CATSPERE: variants seen among roughly 807,000 people sequenced by gnomAD.
The protein encoded by CATSPERE is cation channel sperm-associated auxiliary subunit epsilon.
CATSPERE carries 93 observed loss-of-function variants against 114.1 expected under a neutral mutation model. The ratio of observed to expected loss-of-function variants is 0.81; its 90% confidence interval spans 0.69 to 0.97. CATSPERE has a LOEUF of 0.97. Ranked by LOEUF, CATSPERE falls within the 50% of genes least tolerant of loss-of-function variation. The pLI, the probability that CATSPERE is intolerant of heterozygous loss-of-function variation, is 0.00. For missense variants in CATSPERE, 1,058 were observed against 1,131.6 expected (o/e 0.93, Z 0.93); for synonymous variants, 341 against 384.1 (o/e 0.89, Z 1.31).
Position 244,607,151 on chromosome 1 carries a change from T to C in CATSPERE, c.2403+1357T>C, listed in dbSNP as rs137857111. Among the ~76,000 whole-genome samples, 377 of 152,280 alleles carry C rather than the reference T, an allele frequency of 2.5e-3. 5 individuals carry two copies. Among genetic ancestry groups the C allele is most frequent in the East Asian group, 0.014 (71 of 5,184 alleles). On this transcript the variant is annotated intron_variant, in intron 18 of 21. Transcript: ENST00000366534. This position sits in a 1 kb window ranked among gnomAD's most constrained non-coding sequence, Gnocchi z 4.4. ...AAAAGTTCCTCAGAGGACAACCCTT[T>C]CCCTACAGTTCTATCGAACCAAGAG...
chr1:244,458,905 T>C (rs1457742462), upstream of CATSPERE, among the ~76,000 whole-genome samples: 1 of 152,024 alleles, frequency 6.6e-6, no homozygotes, highest in Non-Finnish European at 1.5e-5. Flanking sequence ...TTAAAGCCCA[T>C]TGGGGAATCT....
chr1:244,494,483 A>G (rs1289434781), intron 6 of CATSPERE, among the ~76,000 whole-genome samples: 3 of 148,772 alleles, frequency 2.0e-5, no homozygotes, highest in Non-Finnish European at 4.5e-5. Flanking sequence ...GGATAGCATT[A>G]GGAGATATAC....
At position 244,573,546 on chromosome 1, in the gene CATSPERE, G is replaced by T. The variant is rs926924725; in HGVS notation, c.1950+774G>T. Among the ~76,000 whole-genome samples, 2 of 152,158 alleles carry T rather than the reference G, an allele frequency of 1.3e-5. No homozygotes were observed. The highest frequency in any genetic ancestry group is 2.9e-5 in the Non-Finnish European group (2 of 68,018). ...ATGTGATGTGGGCATCTGCTAATTC[G>T]TCTGCAACTACATGACCTAAGATGG... On this transcript the variant is annotated intron_variant, in intron 11 of 21. Coordinates refer to ENST00000366534, the MANE Select transcript of CATSPERE (RefSeq NM_001130957.2). The surrounding 1 kb of genome is among the most constrained non-coding windows in gnomAD (Gnocchi z 4.0).
intron 9 of CATSPERE, among the ~76,000 whole-genome samples, chr1:244,553,632 C>CATATATACAT (rs1558485097): frequency 6.8e-6 from 1 of 146,118 alleles, no homozygotes; most frequent in Non-Finnish European, 1.5e-5. Context: ...CACACACACA[C>CATATATACAT]ACACACACAC....
chr1:244,568,177 A>G lies in CATSPERE; in HGVS notation c.1508-4153A>G, dbSNP rs1049359295. Among the ~76,000 whole-genome samples the G allele has an allele frequency of 1.3e-5, 2 of 152,220 alleles. No individual in the cohort carries two copies. Among genetic ancestry groups the G allele is most frequent in the African/African-American group, 4.8e-5 (2 of 41,458 alleles). ...CCTGGGTATCACCAGCAGAGACTGCAGAACAGCAAAGATTGCTGCCTGTTC... is the reference window on the plus strand; with the variant it reads ...CCTGGGTATCACCAGCAGAGACTGCGGAACAGCAAAGATTGCTGCCTGTTC... On this transcript the variant is annotated intron_variant, in intron 10 of 21. Coordinates refer to ENST00000366534, the MANE Select transcript of CATSPERE (RefSeq NM_001130957.2). The surrounding 1 kb of genome is among the most constrained non-coding windows in gnomAD (Gnocchi z 4.4).
chr1:244,630,619 G>T (rs1011071773), intron 20 of CATSPERE, among the ~76,000 whole-genome samples: 6 of 152,218 alleles, frequency 3.9e-5, no homozygotes, highest in Non-Finnish European at 7.3e-5. Context: ...TCTAGGTGTT[G>T]CAGGTTCCCT....
intron 21 of CATSPERE, among the ~76,000 whole-genome samples, chr1:244,636,058 G>C (rs1674593852): frequency 6.6e-6 from 1 of 152,192 alleles, no homozygotes; most frequent in South Asian, 2.1e-4. Context: ...AGAATGCAGT[G>C]GTAGGGATTG....
chr1:244,536,525 C>T (rs145610229), intron 8 of CATSPERE, among the ~76,000 whole-genome samples: 40 of 152,286 alleles, frequency 2.6e-4, no homozygotes, highest in South Asian at 6.2e-4. Flanking sequence ...TGTTGCTTTC[C>T]GCTGTGACAG....
At chr1:244,474,910 A>AT (rs1669065727) in intron 2 of CATSPERE, among the ~76,000 whole-genome samples, 1 of 151,424 alleles carries the variant, frequency 6.6e-6, no homozygotes, top group Non-Finnish European at 1.5e-5. Flanking sequence ...CACCCAGCTA[A>AT]TTTTTTAATT....
chr1:244,500,189 G>T (rs1008721973), intron 7 of CATSPERE, among the ~76,000 whole-genome samples: 7 of 152,124 alleles, frequency 4.6e-5, no homozygotes, highest in African/African-American at 1.7e-4. Context: ...CTTTCTGATG[G>T]AGTTGTTTTT....
At chr1:244,610,169 C>T in intron 18 of CATSPERE, 71 bp from the exon 19 acceptor site, 1 of 990,998 alleles carries the variant, frequency 1.0e-6, no homozygotes, top group African/African-American at 1.6e-5. Flanking sequence ...AGCAACAAAA[C>T]ATTAAATACT....
intron 7 of CATSPERE, among the ~76,000 whole-genome samples, chr1:244,508,096 C>G (rs1201221615): frequency 6.6e-6 from 1 of 151,892 alleles, no homozygotes. Flanking sequence ...TGGTCTGATA[C>G]TGCAATATGG....
chr1:244,560,959 C>G lies in CATSPERE; in HGVS notation c.1321C>G (p.Pro441Ala). 2 of 1,614,004 alleles carry G rather than the reference C, an allele frequency of 1.2e-6. No homozygotes were observed. Among genetic ancestry groups the G allele is most frequent in the Non-Finnish European group, 1.7e-6 (2 of 1,179,958 alleles). ...TTCCCAAGACTTTACATTAGATGCC[C>G]CTATTGACAGTGTTACCATGCCACA... ...WVSQDFTLDA[P>A]IDSVTMPHFT... is the part of the protein sequence containing the mutation. The change falls in exon 10 of 22, where the codon CCT becomes GCT. Residue 441 changes from proline (P) to alanine (A), a missense_variant. Around this residue, in one of 2 missense-constraint regions of CATSPERE, gnomAD observed 787 missense variants for 905.6 expected, o/e 0.87. Transcript: ENST00000366534.
chr1:244,617,385 G>C lies in CATSPERE; in HGVS notation c.2491-144G>C, dbSNP rs188983970. 53 of 564,108 alleles carry C rather than the reference G, an allele frequency of 9.4e-5. No homozygotes were observed. The African/African-American group carries it at 9.4e-4, about 10-fold the overall frequency. 34.9% of individuals were successfully genotyped at this position (564,108 alleles called of 1,614,324 possible). Reference sequence around the variant, plus strand: ...AGTTTAACCCAGTATCGCTCTTAAAGTGCTATAAAGAGCACTGCAGGGGTA... The same window carrying C: ...AGTTTAACCCAGTATCGCTCTTAAACTGCTATAAAGAGCACTGCAGGGGTA... On this transcript the variant is annotated intron_variant, in intron 19 of 21. Transcript: ENST00000366534.
At chr1:244,548,076 A>T (rs1255781172) in intron 8 of CATSPERE, among the ~76,000 whole-genome samples, 3 of 152,260 alleles carry the variant, frequency 2.0e-5, no homozygotes, top group African/African-American at 7.2e-5. Context: ...GGGAAGAAGT[A>T]TGCAGATAAA....
At chr1:244,451,907 G>A (rs540116614), upstream of CATSPERE, 56 of 1,320,328 alleles carry the variant, frequency 4.2e-5, no homozygotes, top group East Asian at 1.5e-3. The surrounding 1 kb of genome is among the most constrained non-coding windows in gnomAD (Gnocchi z 6.6). Context: ...GCCACATGCA[G>A]AGGAAGAAGG....
At chr1:244,489,154 C>T (rs115188510) in intron 5 of CATSPERE, among the ~76,000 whole-genome samples, 2,872 of 152,156 alleles carry the variant, frequency 0.019, 45 homozygotes, top group Non-Finnish European at 0.028. Context: ...AATAGAGACA[C>T]GTTCTTACTA....
In CATSPERE at chr1:244,504,870, C is replaced by T. The variant is rs1674580590; in HGVS notation, c.429+5791C>T. On this transcript the variant is annotated intron_variant, in intron 7 of 21. Transcript: ENST00000366534. The surrounding 1 kb of genome is among the most constrained non-coding windows in gnomAD (Gnocchi z 4.1). ...CTTTCTTCTCCCTGTCCATGTTGTT[C>T]GCCTTGGAAGTAAGTCACTCAGTAC... Among the ~76,000 whole-genome samples the T allele has an allele frequency of 6.6e-6, 1 of 152,168 alleles. No individual in the cohort carries two copies. Among genetic ancestry groups the T allele is most frequent in the South Asian group, 2.1e-4 (1 of 4,832 alleles).
intron 17 of CATSPERE, 120 bp downstream of exon 17, chr1:244,593,698 C>T (rs1420604906): frequency 1.6e-5 from 13 of 789,518 alleles, no homozygotes; most frequent in African/African-American, 3.5e-5. Context: ...TCAATATATG[C>T]GAGACTTGGT....
Sources: allele counts gnomAD v4.1 joint callset (sites outside exome capture counted in the v4.1 genomes callset), GRCh38; gene constraint gnomAD v4.1.1; regional missense constraint gnomAD v4.1.1; non-coding constraint Gnocchi (gnomAD v3.1); transcripts MANE v1.5; gene names NCBI Gene and HGNC (gene_info 2026-07-23, HGNC 2026-07-21).